ZFHX3: variants seen among roughly 807,000 people sequenced by gnomAD.
ZFHX3 encodes the protein zinc finger homeobox protein 3.
A neutral mutation model predicts 279.1 loss-of-function variants in ZFHX3; 42 were observed. The observed-to-expected ratio is 0.15, with a 90% CI of 0.12 to 0.19. The LOEUF (loss-of-function observed/expected upper bound fraction) is 0.19, where lower values mean the gene tolerates loss of function less well. Ranked by LOEUF, ZFHX3 falls within the 10% of genes least tolerant of loss-of-function variation. ZFHX3 has a pLI of 1.00. For synonymous variants in ZFHX3, 2,293 were observed against 1,957.8 expected, an observed-to-expected ratio of 1.17 and a Z score of -4.52; for missense variants, 4,981 against 4,754.0, an observed-to-expected ratio of 1.05 and a Z score of -1.40.
At chr16:73,696,981 A>G (rs2053203441) in intron 1 of ZFHX3, among the ~76,000 whole-genome samples, 1 of 152,168 alleles carries the variant, frequency 6.6e-6, no homozygotes, top group South Asian at 2.1e-4. Context: ...ACAGACCATC[A>G]AAAAGGGACA....
intron 4 of ZFHX3, among the ~76,000 whole-genome samples, chr16:72,867,768 G>A (rs777120370): frequency 4.6e-5 from 7 of 151,872 alleles, no homozygotes; most frequent in Admixed American, 6.5e-5. Context: ...TCTGTGCCCA[G>A]GCACTATTTT....
At chr16:73,063,640 C>A (rs1965713619), upstream of ZFHX3, among the ~76,000 whole-genome samples, 1 of 152,008 alleles carries the variant, frequency 6.6e-6, no homozygotes, top group African/African-American at 2.4e-5. Flanking sequence ...ACCAGGGGTC[C>A]CCCTGGCAGG....
At chr16:73,728,701 G>A (rs900811251) in intron 1 of ZFHX3, among the ~76,000 whole-genome samples, 2 of 151,946 alleles carry the variant, frequency 1.3e-5, no homozygotes, top group African/African-American at 4.8e-5. Context: ...CTTGTTGTAA[G>A]AATTTTCCGT....
chr16:73,243,055 C>A (rs560456919), intron 5 of ZFHX3, among the ~76,000 whole-genome samples: 2 of 152,294 alleles, frequency 1.3e-5, no homozygotes, highest in South Asian at 4.1e-4. Context: ...TGAGTAGGGT[C>A]TACCACTGTG....
At chr16:73,412,106 A>T (rs1328172718) in intron 3 of ZFHX3, among the ~76,000 whole-genome samples, 1 of 152,098 alleles carries the variant, frequency 6.6e-6, no homozygotes. Context: ...CAGGTGGATC[A>T]CTTGAGCCCA....
chr16:72,934,806 A>G (rs778816133), intron 3 of ZFHX3, among the ~76,000 whole-genome samples: 1 of 152,210 alleles, frequency 6.6e-6, no homozygotes, highest in African/African-American at 2.4e-5. Flanking sequence ...CTGCAGCCGC[A>G]CATCAGAATC....
intron 1 of ZFHX3, among the ~76,000 whole-genome samples, chr16:73,033,685 G>A (rs1477500622): frequency 6.6e-6 from 1 of 152,142 alleles, no homozygotes; most frequent in Non-Finnish European, 1.5e-5. Flanking sequence ...CAGGAGGCCA[G>A]CCTGTTAAAG....
intron 1 of ZFHX3, among the ~76,000 whole-genome samples, chr16:73,013,800 A>G (rs1004192578): frequency 5.9e-5 from 9 of 152,116 alleles, no homozygotes; most frequent in Admixed American, 5.2e-4. Flanking sequence ...TGCCCTCCTG[A>G]GCCACCTACC....
intron 2 of ZFHX3, among the ~76,000 whole-genome samples, chr16:73,626,072 G>T (rs1348406939): frequency 6.6e-6 from 1 of 152,128 alleles, no homozygotes; most frequent in African/African-American, 2.4e-5. Flanking sequence ...TAGCCAGGAT[G>T]GTCTCGATCT....
At chr16:73,648,478 C>T (rs1040857776) in intron 2 of ZFHX3, among the ~76,000 whole-genome samples, 1 of 152,228 alleles carries the variant, frequency 6.6e-6, no homozygotes, top group African/African-American at 2.4e-5. Flanking sequence ...CAACCTCGGC[C>T]TCCTGGGTTC....
At chr16:73,642,793 C>G (rs2052585565) in intron 2 of ZFHX3, among the ~76,000 whole-genome samples, 1 of 152,156 alleles carries the variant, frequency 6.6e-6, no homozygotes, top group African/African-American at 2.4e-5. Flanking sequence ...TGACATCTGC[C>G]TCTAAAGGTT....
At chr16:73,583,822 G>C (rs993758718) in intron 2 of ZFHX3, among the ~76,000 whole-genome samples, 6 of 152,092 alleles carry the variant, frequency 3.9e-5, no homozygotes, top group Admixed American at 2.0e-4. Context: ...AGACCCTCTA[G>C]AACTTCTAGT....
intron 1 of ZFHX3, among the ~76,000 whole-genome samples, chr16:73,771,282 G>A (rs2054014580): frequency 6.6e-6 from 1 of 152,098 alleles, no homozygotes; most frequent in Admixed American, 6.6e-5. Flanking sequence ...TTTCCAAGTG[G>A]TACTACAGGA....
intron 2 of ZFHX3, among the ~76,000 whole-genome samples, chr16:73,540,189 G>A (rs1057201993): frequency 8.5e-5 from 13 of 152,186 alleles, no homozygotes; most frequent in African/African-American, 2.9e-4. Context: ...TGTGATATGG[G>A]TCCAAGAGGA....
At chr16:73,491,867 A>G (rs1373495889) in intron 2 of ZFHX3, among the ~76,000 whole-genome samples, 2 of 152,174 alleles carry the variant, frequency 1.3e-5, no homozygotes, top group African/African-American at 2.4e-5. Context: ...TCAACTGTGA[A>G]TCGTCAGTGT....
chr16:73,542,447 G>C (rs1361499816), intron 2 of ZFHX3, among the ~76,000 whole-genome samples: 1 of 152,124 alleles, frequency 6.6e-6, no homozygotes, highest in Non-Finnish European at 1.5e-5. Flanking sequence ...ACTTGAATTG[G>C]TGGAGTTTAT....
chr16:73,058,238 C>T (rs1018489759), intron 1 of ZFHX3, among the ~76,000 whole-genome samples: 1 of 142,614 alleles, frequency 7.0e-6, no homozygotes, highest in African/African-American at 2.5e-5. Context: ...GCGGCCCGGG[C>T]TCGGCGGCGG....
At chr16:73,248,822 G>T (rs545266866) in intron 5 of ZFHX3, among the ~76,000 whole-genome samples, 33 of 151,704 alleles carry the variant, frequency 2.2e-4, no homozygotes, top group Non-Finnish European at 4.6e-4. Context: ...TTTTTTAATT[G>T]AAAAACATGT....
At chr16:73,255,417 G>A (rs2013634499) in intron 5 of ZFHX3, among the ~76,000 whole-genome samples, 2 of 152,206 alleles carry the variant, frequency 1.3e-5, no homozygotes, top group Admixed American at 1.3e-4. Context: ...CTTTATGGGT[G>A]AGTGGTTATC....
Sources: gnomAD v4.1 joint callset for allele counts (sites outside exome capture counted in the v4.1 genomes callset) on GRCh38, gnomAD v4.1.1 for gene constraint, MANE v1.5 for transcripts, NCBI Gene and HGNC (gene_info 2026-07-23, HGNC 2026-07-21) for gene names.